The following TRIQK variants were observed in gnomAD, a reference collection of about 807,000 sequenced individuals.
TRIQK encodes triple QxxK/R motif-containing protein.
Under a neutral mutation model 10.8 loss-of-function variants are expected in TRIQK, and 10 were observed. The observed-to-expected ratio is 0.92, with a 90% CI of 0.57 to 1.57. The LOEUF is 1.57. TRIQK is among the 40% of genes most tolerant of loss of function. The probability of loss-of-function intolerance (pLI) is 0.00; values close to 1 mark genes in which losing one functional copy is unlikely to be tolerated. For synonymous variants in TRIQK, 33 were observed against 33.7 expected (o/e 0.98, Z 0.07); for missense variants, 107 against 97.7 (o/e 1.09, Z -0.40).
At chr8:92,942,837 G>T (rs1481383380) in intron 2 of TRIQK, among the ~76,000 whole-genome samples, 2 of 152,026 alleles carry the variant, frequency 1.3e-5, no homozygotes, top group African/African-American at 2.4e-5. Context: ...TGGGACTAAA[G>T]GTGCCTGCCA....
intron 2 of TRIQK, among the ~76,000 whole-genome samples, chr8:92,924,813 T>G (rs1810364105): frequency 6.6e-6 from 1 of 152,128 alleles, no homozygotes; most frequent in South Asian, 2.1e-4. Flanking sequence ...CATATTGTCA[T>G]TGAGACAAGT....
chr8:92,944,318 A>AT (rs1033936919), intron 2 of TRIQK, among the ~76,000 whole-genome samples: 1 of 151,820 alleles, frequency 6.6e-6, no homozygotes, highest in Non-Finnish European at 1.5e-5. Context: ...AAAAAAAAAA[A>AT]AATAGAACTA....
chr8:92,899,388 A>G (rs1168374450), intron 3 of TRIQK, among the ~76,000 whole-genome samples: 1 of 149,252 alleles, frequency 6.7e-6, no homozygotes, highest in African/African-American at 2.5e-5. Flanking sequence ...CACTCCTTCC[A>G]CCCCCTCCCC....
chr8:92,897,327 G>A (rs1808662767), intron 3 of TRIQK, among the ~76,000 whole-genome samples: 2 of 152,168 alleles, frequency 1.3e-5, no homozygotes, highest in Admixed American at 6.5e-5. Flanking sequence ...ATTGTAAGAA[G>A]GACATGAACT....
intron 1 of TRIQK, among the ~76,000 whole-genome samples, chr8:92,999,221 T>A (rs1056240605): frequency 3.3e-5 from 5 of 152,164 alleles, no homozygotes; most frequent in African/African-American, 1.2e-4. Context: ...TTGCTGTTTA[T>A]TAAACCTATG....
chr8:92,927,567 G>A (rs1391369364), intron 2 of TRIQK, among the ~76,000 whole-genome samples: 2 of 152,246 alleles, frequency 1.3e-5, no homozygotes, highest in South Asian at 2.1e-4. Flanking sequence ...TATTATTATT[G>A]AGATGGAGTA....
intron 3 of TRIQK, among the ~76,000 whole-genome samples, chr8:92,900,285 G>A (rs1464606682): frequency 6.6e-6 from 1 of 152,066 alleles, no homozygotes; most frequent in African/African-American, 2.4e-5. Context: ...TGCTTTGGTT[G>A]TCTGAGCTTG....
intron 1 of TRIQK, among the ~76,000 whole-genome samples, chr8:93,014,038 T>C (rs574903824): frequency 7.2e-5 from 11 of 152,274 alleles, no homozygotes; most frequent in African/African-American, 2.4e-4. Flanking sequence ...TCACGAGTAG[T>C]CTATGCCAAA....
intron 1 of TRIQK, among the ~76,000 whole-genome samples, chr8:92,996,019 G>A (rs1056920316): frequency 1.3e-5 from 2 of 151,974 alleles, no homozygotes; most frequent in Non-Finnish European, 1.5e-5. Flanking sequence ...GGCACTAGAC[G>A]GAGGCCACTC....
chr8:92,899,714 G>T (rs1294879151), intron 3 of TRIQK, among the ~76,000 whole-genome samples: 1 of 152,152 alleles, frequency 6.6e-6, no homozygotes, highest in Non-Finnish European at 1.5e-5. Context: ...ATAAACGTAG[G>T]AGTGTAGATA....
chr8:92,915,518 C>CTT (rs1039399590), intron 3 of TRIQK, among the ~76,000 whole-genome samples: 138 of 151,500 alleles, frequency 9.1e-4, no homozygotes, highest in African/African-American at 3.1e-3. Flanking sequence ...GAGTCCCACT[C>CTT]TGTCACCCAG....
intron 3 of TRIQK, among the ~76,000 whole-genome samples, chr8:92,914,547 T>C (rs1188705766): frequency 6.6e-6 from 1 of 152,126 alleles, no homozygotes; most frequent in South Asian, 2.1e-4. Flanking sequence ...AAAAGACAAC[T>C]TGATTGAACA....
At chr8:92,902,686 T>C in intron 3 of TRIQK, among the ~76,000 whole-genome samples, 1 of 152,254 alleles carries the variant, frequency 6.6e-6, no homozygotes, top group South Asian at 2.1e-4. Context: ...ATATATAGCC[T>C]ATATTTAAGT....
chr8:92,971,100 G>A (rs756672062), upstream of TRIQK, among the ~76,000 whole-genome samples: 5 of 152,092 alleles, frequency 3.3e-5, no homozygotes, highest in Admixed American at 1.3e-4. Context: ...AAAATCAGAT[G>A]GTTGTAGATG....
At chr8:92,901,682 A>G (rs528294973) in intron 3 of TRIQK, among the ~76,000 whole-genome samples, 1 of 152,172 alleles carries the variant, frequency 6.6e-6, no homozygotes, top group East Asian at 1.9e-4. Flanking sequence ...ATCAATGTTC[A>G]TTAGGAGTGG....
chr8:92,990,063 A>C (rs564061946), intron 1 of TRIQK, among the ~76,000 whole-genome samples: 1 of 152,352 alleles, frequency 6.6e-6, no homozygotes, highest in African/African-American at 2.4e-5. Flanking sequence ...ATAAAAACAT[A>C]GATTAAAAAT....
chr8:92,888,333 T>C (rs1176711359), intron 4 of TRIQK, among the ~76,000 whole-genome samples: 1 of 151,580 alleles, frequency 6.6e-6, no homozygotes, highest in Non-Finnish European at 1.5e-5. Context: ...CTCTGTATCA[T>C]TTCACTATAT....
Position 92,903,603 on chromosome 8 carries a change from T to C in TRIQK, c.62-11529A>G, listed in dbSNP as rs1183305236. ...AGGCTATAGGTGCCTGTGATTCTGTTGCAGAATAAAATTTCCTATTACTCT... is the reference window on the plus strand; with the variant it reads ...AGGCTATAGGTGCCTGTGATTCTGTCGCAGAATAAAATTTCCTATTACTCT... On this transcript the variant is annotated intron_variant, in intron 3 of 4. Transcript: ENST00000521988. Among the ~76,000 whole-genome samples, 3 of 152,148 alleles carry C rather than the reference T, an allele frequency of 2.0e-5. 1 individual carries two copies. Among genetic ancestry groups the C allele is most frequent in the African/African-American group, 7.2e-5 (3 of 41,450 alleles).
intron 3 of TRIQK, among the ~76,000 whole-genome samples, chr8:92,909,812 A>G (rs976124381): frequency 2.0e-5 from 3 of 151,734 alleles, no homozygotes; most frequent in African/African-American, 7.2e-5. Context: ...ATTAGTACTC[A>G]AAAAAGTCCA....
Sources: allele counts gnomAD v4.1 joint callset (sites outside exome capture counted in the v4.1 genomes callset), GRCh38; gene constraint gnomAD v4.1.1; transcripts MANE v1.5; gene names NCBI Gene and HGNC (gene_info 2026-07-23, HGNC 2026-07-21).